Variants in PXDNL observed in about 807,000 individuals in gnomAD.
PXDNL encodes the protein probable oxidoreductase PXDNL.
In PXDNL, 145 loss-of-function variants were observed where a neutral mutation model predicts 150.8. The observed-to-expected ratio is 0.96, with a 90% CI of 0.84 to 1.10. PXDNL has a LOEUF of 1.10. Among genes scored for constraint, PXDNL ranks in the 50% least tolerant of loss-of-function variants. The pLI is 0.00. For missense variants in PXDNL, 2,087 were observed against 1,873.9 expected (o/e 1.11, Z -2.10); for synonymous variants, 757 against 725.7 (o/e 1.04, Z -0.69).
At chr8:51,464,951 G>T (rs1234459684) in intron 8 of PXDNL, among the ~76,000 whole-genome samples, 1 of 152,126 alleles carries the variant, frequency 6.6e-6, no homozygotes, top group African/African-American at 2.4e-5. Flanking sequence ...ACTACATGGA[G>T]TCACAGCCAA....
intron 10 of PXDNL, among the ~76,000 whole-genome samples, chr8:51,449,375 C>T (rs1442034636): frequency 6.6e-6 from 1 of 152,164 alleles, no homozygotes; most frequent in African/African-American, 2.4e-5. Flanking sequence ...AATCTTACGG[C>T]AGCTGTTTCC....
rs141577934 is a variant in PXDNL at position 51,361,987 on chromosome 8, T to C, written c.3901+9886A>G. 7.5e-3 allele frequency among the ~76,000 whole-genome samples: 656 copies of C among 87,192 alleles called. 6 individuals are homozygous for C. Among genetic ancestry groups the C allele is most frequent in the African/African-American group, 0.027 (622 of 22,708 alleles). 57.2% of individuals were successfully genotyped at this position (87,192 alleles called of 152,430 possible). ...AAAAGAAAAGAAAAGAAAAAGAAAA[T>C]GAGAATTCTTAAATTAGTCTTAACT... On this transcript the variant is annotated intron_variant, in intron 19 of 22. Transcript: ENST00000356297.
At chr8:51,440,173 C>T (rs538333467) in intron 12 of PXDNL, among the ~76,000 whole-genome samples, 1 of 152,084 alleles carries the variant, frequency 6.6e-6, no homozygotes, top group African/African-American at 2.4e-5. Flanking sequence ...TGAAGTAACT[C>T]AGGAATGGAA....
At chr8:51,472,779 G>T (rs939086039) in intron 7 of PXDNL, among the ~76,000 whole-genome samples, 3 of 152,168 alleles carry the variant, frequency 2.0e-5, no homozygotes, top group African/African-American at 7.2e-5. Flanking sequence ...ATAAATGAAT[G>T]ATTCCATCTT....
At chr8:51,429,072 T>C (rs1172512833) in intron 12 of PXDNL, among the ~76,000 whole-genome samples, 1 of 113,930 alleles carries the variant, frequency 8.8e-6, no homozygotes, top group Non-Finnish European at 2.0e-5. Context: ...AGTCAGCATA[T>C]GAAAAGGTGC....
intron 1 of PXDNL, among the ~76,000 whole-genome samples, chr8:51,705,288 A>G (rs905225027): frequency 6.6e-6 from 1 of 152,224 alleles, no homozygotes; most frequent in Non-Finnish European, 1.5e-5. Flanking sequence ...ATTTGAGAAT[A>G]GCCCTCATTT....
At position 51,716,054 on chromosome 8, in the gene PXDNL, T is replaced by C. The variant is rs945270211; in HGVS notation, c.165-61294A>G. ...CATAGACTGGCTTGACACCTACAGA[T>C]CTCTGTATCATGAAAAGTTACAGTC... On this transcript the variant is annotated intron_variant, in intron 1 of 22. Coordinates refer to ENST00000356297, the MANE Select transcript of PXDNL (RefSeq NM_144651.5). Among the ~76,000 whole-genome samples the C allele has an allele frequency of 5.9e-5, 9 of 152,200 alleles. No homozygotes were observed. In the East Asian group the frequency reaches 1.7e-3, roughly 29 times the overall value.
At chr8:51,375,298 G>C (rs996640676) in intron 17 of PXDNL, among the ~76,000 whole-genome samples, 5 of 152,068 alleles carry the variant, frequency 3.3e-5, no homozygotes, top group African/African-American at 9.7e-5. Context: ...AAACAAAAAA[G>C]CACAATGCAA....
At chr8:51,344,409 A>G (rs1663004954) in intron 20 of PXDNL, among the ~76,000 whole-genome samples, 1 of 152,134 alleles carries the variant, frequency 6.6e-6, no homozygotes, top group African/African-American at 2.4e-5. Flanking sequence ...ATTTAGACAC[A>G]TGAATTGTAC....
intron 1 of PXDNL, among the ~76,000 whole-genome samples, chr8:51,802,973 T>C (rs1053355305): frequency 4.6e-5 from 7 of 152,254 alleles, no homozygotes; most frequent in Non-Finnish European, 1.0e-4. Flanking sequence ...TTGTGAAAGA[T>C]GTCTAAGCAA....
chr8:51,325,676 T>C (rs907358261), intron 21 of PXDNL, among the ~76,000 whole-genome samples: 1 of 152,208 alleles, frequency 6.6e-6, no homozygotes, highest in Admixed American at 6.5e-5. Flanking sequence ...GCTTCATTCC[T>C]GCTGGGTTAG....
chr8:51,482,602 A>G (rs1810628338), intron 6 of PXDNL, among the ~76,000 whole-genome samples: 1 of 152,062 alleles, frequency 6.6e-6, no homozygotes, highest in Non-Finnish European at 1.5e-5. Flanking sequence ...AATTGTAATA[A>G]TCCCCATGTG....
intron 10 of PXDNL, among the ~76,000 whole-genome samples, chr8:51,451,446 A>G (rs1285388602): frequency 2.0e-5 from 3 of 152,208 alleles, no homozygotes; most frequent in Middle Eastern, 3.2e-3. Flanking sequence ...ATTTAAAATG[A>G]TGGCCTTCTG....
At chr8:51,699,758 T>C (rs568296505) in intron 1 of PXDNL, among the ~76,000 whole-genome samples, 1 of 152,288 alleles carries the variant, frequency 6.6e-6, no homozygotes, top group South Asian at 2.1e-4. Context: ...GGGTTATTAA[T>C]TGGCCTAATT....
In PXDNL at chr8:51,408,472, G is replaced by A; in HGVS notation, c.3152C>T (p.Ala1051Val). ...NAGIINSFATAAFRFGHTLIN... is the reference protein window; with the variant it reads ...NAGIINSFATVAFRFGHTLIN... ...TAATGTGTGGCCAAATCTAAAGGCTGCAGTAGCAAAAGAGTTAATGATGCC... is the reference window on the plus strand; with the variant it reads ...TAATGTGTGGCCAAATCTAAAGGCTACAGTAGCAAAAGAGTTAATGATGCC... The change falls in exon 17 of 23, where the codon GCA (alanine) becomes GTA (valine). Residue 1051 changes from alanine to valine, a missense_variant. Transcript: ENST00000356297. 2 of 1,613,832 alleles carry A rather than the reference G, an allele frequency of 1.2e-6. No individual in the cohort carries two copies. Among genetic ancestry groups the A allele is most frequent in the South Asian group, 2.2e-5 (2 of 91,030 alleles).
intron 3 of PXDNL, among the ~76,000 whole-genome samples, chr8:51,562,861 G>T (rs935478793): frequency 3.3e-5 from 5 of 151,918 alleles, no homozygotes; most frequent in African/African-American, 9.7e-5. Flanking sequence ...TCTTCAATGG[G>T]GTGGGGAAGA....
At chr8:51,694,977 G>A (rs781042063) in intron 1 of PXDNL, among the ~76,000 whole-genome samples, 4 of 152,222 alleles carry the variant, frequency 2.6e-5, no homozygotes, top group East Asian at 1.9e-4. Flanking sequence ...ACCATACATC[G>A]TGATTCTATC....
intron 2 of PXDNL, among the ~76,000 whole-genome samples, chr8:51,616,476 T>A (rs182374742): frequency 6.6e-6 from 1 of 152,222 alleles, no homozygotes; most frequent in Non-Finnish European, 1.5e-5. Flanking sequence ...ACACACACAC[T>A]CATTTGTATC....
intron 17 of PXDNL, among the ~76,000 whole-genome samples, chr8:51,379,221 T>C (rs2130805212): frequency 6.6e-6 from 1 of 152,328 alleles, no homozygotes. Context: ...TGCCATTTTC[T>C]GTCTCTCACT....
Sources: gnomAD v4.1 joint callset for allele counts (sites outside exome capture counted in the v4.1 genomes callset) on GRCh38, gnomAD v4.1.1 for gene constraint, MANE v1.5 for transcripts, NCBI Gene and HGNC (gene_info 2026-07-23, HGNC 2026-07-21) for gene names.